Variants in FHL5 observed in about 807,000 individuals in gnomAD.
The protein encoded by FHL5 is four and a half LIM domains 5.
FHL5 carries 33 observed loss-of-function variants against 32.0 expected under a neutral mutation model. The observed-to-expected ratio is 1.03, with a 90% CI of 0.78 to 1.38. The LOEUF is 1.38. Among genes scored for constraint, FHL5 ranks in the 40% most tolerant of loss-of-function variants. The pLI is 0.00. For missense variants in FHL5, 336 were observed against 343.9 expected (o/e 0.98, Z 0.18); for synonymous variants, 114 against 113.6 (o/e 1.00, Z -0.02).
intron 5 of FHL5, among the ~76,000 whole-genome samples, chr6:96,614,263 T>C (rs1771471335): frequency 6.6e-6 from 1 of 152,238 alleles, no homozygotes; most frequent in Non-Finnish European, 1.5e-5. Flanking sequence ...ATGAACAGCA[T>C]AATTTATGTA....
At chr6:96,579,236 T>C (rs2127962189) in intron 1 of FHL5, among the ~76,000 whole-genome samples, 1 of 152,348 alleles carries the variant, frequency 6.6e-6, no homozygotes, top group South Asian at 2.1e-4. Flanking sequence ...TTTATCATAC[T>C]GTTTCATACA....
At chr6:96,564,701 A>G (rs1196076886) in intron 1 of FHL5, among the ~76,000 whole-genome samples, 1 of 152,178 alleles carries the variant, frequency 6.6e-6, no homozygotes, top group Non-Finnish European at 1.5e-5. Flanking sequence ...TATTTTTTCA[A>G]TCGAGGGAAC....
At chr6:96,600,447 T>C (rs1200183074) in intron 1 of FHL5, among the ~76,000 whole-genome samples, 1 of 152,164 alleles carries the variant, frequency 6.6e-6, no homozygotes, top group Non-Finnish European at 1.5e-5. Flanking sequence ...CAGTTTGATC[T>C]TTCCTTCCTT....
chr6:96,586,378 C>T (rs1018194532), intron 1 of FHL5, among the ~76,000 whole-genome samples: 3 of 152,074 alleles, frequency 2.0e-5, no homozygotes, highest in Non-Finnish European at 4.4e-5. Context: ...GAAATAAACT[C>T]ATACTAATTT....
chr6:96,603,850 T>C, intron 2 of FHL5, 78 bp downstream of exon 2: 2 of 1,164,068 alleles, frequency 1.7e-6, no homozygotes, highest in Non-Finnish European at 1.2e-6. Flanking sequence ...TTTCATTTAG[T>C]GTTGACTTTC....
chr6:96,597,510 G>A (rs557666596), intron 1 of FHL5, among the ~76,000 whole-genome samples: 12 of 152,124 alleles, frequency 7.9e-5, no homozygotes, highest in African/African-American at 2.9e-4. Context: ...ATTCTCATAA[G>A]TCTCAGCTCA....
intron 1 of FHL5, among the ~76,000 whole-genome samples, chr6:96,586,613 C>T (rs1770802277): frequency 6.6e-6 from 1 of 152,072 alleles, no homozygotes; most frequent in Admixed American, 6.5e-5. Flanking sequence ...AAATGGATAA[C>T]TTGTCTCAAG....
At chr6:96,605,808 A>G (rs577465713) in intron 3 of FHL5, 94 bp from the exon 4 acceptor site, 47 of 1,026,978 alleles carry the variant, frequency 4.6e-5, no homozygotes, top group Middle Eastern at 2.2e-4. Flanking sequence ...TATCATCTTA[A>G]CTTAAAACGT....
chr6:96,614,936 G>A (rs1002410340), intron 5 of FHL5, among the ~76,000 whole-genome samples: 2 of 152,158 alleles, frequency 1.3e-5, no homozygotes, highest in Admixed American at 6.5e-5. Context: ...GGCTTCATTG[G>A]CCAGATTCAA....
At position 96,617,716 on chromosome 6, in the gene FHL5, C is replaced by T. The variant is rs1217538971; in HGVS notation, c.*1944C>T. Among the ~76,000 whole-genome samples the T allele has an allele frequency of 6.6e-6, 1 of 152,084 alleles. No individual in the cohort carries two copies. Reference sequence around the variant, plus strand: ...CTTCTCTGTTAACCAATTATAGATACATATACAACATGTAATGTTTTCTTA... The same window carrying T: ...CTTCTCTGTTAACCAATTATAGATATATATACAACATGTAATGTTTTCTTA... On this transcript the variant is annotated 3_prime_UTR_variant, in exon 6 of 6. Transcript: ENST00000450218.
intron 2 of FHL5, 111 bp downstream of exon 2, chr6:96,603,883 A>G: frequency 1.2e-6 from 1 of 815,136 alleles, no homozygotes; most frequent in East Asian, 2.5e-5. Context: ...CTGCTACTGG[A>G]TATATAAGGA....
chr6:96,614,381 C>G (rs1372602889), intron 5 of FHL5, among the ~76,000 whole-genome samples: 1 of 152,198 alleles, frequency 6.6e-6, no homozygotes, highest in South Asian at 2.1e-4. Flanking sequence ...ATGTTGATAG[C>G]ATCATAGATA....
intron 1 of FHL5, among the ~76,000 whole-genome samples, chr6:96,593,274 T>C (rs1017062293): frequency 5.3e-5 from 8 of 152,148 alleles, no homozygotes; most frequent in African/African-American, 1.9e-4. Context: ...TGTTCTGTCT[T>C]ATAACTCCAA....
In FHL5 at chr6:96,591,744, C is replaced by T. The variant is rs544720525; in HGVS notation, c.-12-11858C>T. On this transcript the variant is annotated intron_variant, in intron 1 of 5. Transcript: ENST00000450218. ...CAGATATCGGGGGGAAATTCACCCC[C>T]GATATTTCATGTAGGTGCTTTTCTA... 1.8e-4 allele frequency among the ~76,000 whole-genome samples: 27 copies of T among 152,032 alleles called. No individual in the cohort carries two copies. The East Asian group carries it at 4.3e-3, about 24-fold the overall frequency.
chr6:96,604,665 G>A, intron 2 of FHL5, 85 bp from the exon 3 acceptor site: 1 of 1,037,224 alleles, frequency 9.6e-7, no homozygotes, highest in Non-Finnish European at 1.4e-6. Context: ...TGACATGAGA[G>A]TCCCAGGAGT....
Position 96,563,350 on chromosome 6 carries a change from G to C in FHL5, c.-18G>C, listed in dbSNP as rs995471588. On this transcript the variant is annotated 5_prime_UTR_variant, in exon 1 of 6. Coordinates refer to ENST00000450218, the MANE Select transcript of FHL5 (RefSeq NM_001322466.2). ...AAATCACAGGAAGAAGCGGCTTTAA[G>C]ACAAAGTGAGTTCTTTCCCCCAAAT... 13 of 152,120 alleles carry C rather than the reference G, an allele frequency of 8.5e-5. No homozygotes were observed. The highest frequency in any genetic ancestry group is 3.1e-4 in the African/African-American group (13 of 41,436). 9.4% of individuals were successfully genotyped at this position (152,120 alleles called of 1,614,324 possible).
chr6:96,612,317 A>G (rs763293311), intron 5 of FHL5, among the ~76,000 whole-genome samples: 8 of 152,200 alleles, frequency 5.3e-5, no homozygotes, highest in Non-Finnish European at 1.2e-4. Flanking sequence ...AAAATCTGCA[A>G]TCACAGTCCA....
intron 1 of FHL5, among the ~76,000 whole-genome samples, chr6:96,574,895 GTTA>G (rs1770553980): frequency 6.6e-6 from 1 of 152,048 alleles, no homozygotes; most frequent in African/African-American, 2.4e-5. Context: ...ATAAATTTAT[GTTA>G]TTATCAGAAT....
intron 1 of FHL5, among the ~76,000 whole-genome samples, chr6:96,599,696 A>G (rs1009891397): frequency 6.6e-6 from 1 of 152,198 alleles, no homozygotes; most frequent in Non-Finnish European, 1.5e-5. Context: ...CCGGGCTTAA[A>G]TGTTGTGTTA....
Sources: gnomAD v4.1 joint callset for allele counts (sites outside exome capture counted in the v4.1 genomes callset) on GRCh38, gnomAD v4.1.1 for gene constraint, MANE v1.5 for transcripts, NCBI Gene and HGNC (gene_info 2026-07-23, HGNC 2026-07-21) for gene names.